Variants in ABCA4 observed in about 807,000 individuals in gnomAD.
ABCA4 encodes the protein ATP binding cassette subfamily A member 4.
Under a neutral mutation model 263.7 loss-of-function variants are expected in ABCA4, and 196 were observed. That is an observed-to-expected ratio of 0.74 (90% CI 0.66 to 0.84). The LOEUF (loss-of-function observed/expected upper bound fraction) is 0.84, where lower values mean the gene tolerates loss of function less well. Among genes scored for constraint, ABCA4 ranks in the 40% least tolerant of loss-of-function variants. The pLI is 0.00. For synonymous variants in ABCA4, 1,133 were observed against 1,094.2 expected (o/e 1.04, Z -0.70); for missense variants, 2,792 against 2,855.1 (o/e 0.98, Z 0.50).
chr1:94,082,356 T>C (rs1230404050), intron 7 of ABCA4, among the ~76,000 whole-genome samples: 1 of 152,232 alleles, frequency 6.6e-6, no homozygotes, highest in East Asian at 1.9e-4. Flanking sequence ...AGAAGCCTTC[T>C]GGAACTTCTA....
At chr1:94,093,311 C>T (rs977683549) in intron 6 of ABCA4, among the ~76,000 whole-genome samples, 1 of 152,202 alleles carries the variant, frequency 6.6e-6, no homozygotes, top group Non-Finnish European at 1.5e-5. Context: ...GAGCCCCATC[C>T]TGTGTGTCCC....
At chr1:94,079,238 G>A in intron 9 of ABCA4, 84 bp downstream of exon 9, 2 of 1,563,964 alleles carry the variant, frequency 1.3e-6, no homozygotes, top group Non-Finnish European at 1.8e-6. Flanking sequence ...TACCAGGAAG[G>A]CACATCTCTC....
intron 1 of ABCA4, among the ~76,000 whole-genome samples, chr1:94,115,892 T>C (rs568015212): frequency 2.6e-5 from 4 of 152,274 alleles, no homozygotes; most frequent in East Asian, 1.9e-4. Flanking sequence ...CTTGGAACCA[T>C]GGTGCTTGCT....
intron 19 of ABCA4, chr1:94,046,008 C>T (rs1383233703): frequency 2.2e-6 from 1 of 452,090 alleles, no homozygotes; most frequent in South Asian, 1.6e-5. Context: ...CCTGCCCTGA[C>T]CTTCTGTTAC....
chr1:94,046,473 A>AAAAAAAAAAAAAAAAAAAG (rs71094277), intron 19 of ABCA4, among the ~76,000 whole-genome samples: 4 of 120,744 alleles, frequency 3.3e-5, no homozygotes, highest in Non-Finnish European at 7.2e-5. Flanking sequence ...AAAAAAAAAA[A>AAAAAAAAAAAAAAAAAAAG]AAAGAAAAGA....
chr1:94,119,866 C>A (rs148267712), intron 1 of ABCA4, among the ~76,000 whole-genome samples: 1 of 152,086 alleles, frequency 6.6e-6, no homozygotes, highest in Non-Finnish European at 1.5e-5. Flanking sequence ...TATTCTGAAC[C>A]GAGATTTGGA....
intron 1 of ABCA4, 93 bp downstream of exon 1, chr1:94,120,887 G>GGCCCCCCCCCCC: frequency 8.8e-6 from 3 of 339,360 alleles, no homozygotes; most frequent in South Asian, 3.0e-5. Context: ...CCCCCACCCT[G>GGCCCCCCCCCCC]CCCCACCACC....
chr1:94,111,779 C>G (rs1178277552), intron 2 of ABCA4, among the ~76,000 whole-genome samples, 200 bp from the exon 3 acceptor site: 2 of 152,154 alleles, frequency 1.3e-5, no homozygotes, highest in African/African-American at 4.8e-5. Context: ...CTCTCAAGCT[C>G]CCGGTGTAGT....
chr1:94,110,003 G>T (rs761224384), intron 3 of ABCA4, among the ~76,000 whole-genome samples: 2 of 152,030 alleles, frequency 1.3e-5, no homozygotes, highest in Admixed American at 6.5e-5. Context: ...TGCCAGGGCC[G>T]TTCCCACCAA....
intron 26 of ABCA4, among the ~76,000 whole-genome samples, chr1:94,034,359 C>T (rs1299560945): frequency 6.6e-6 from 1 of 152,044 alleles, no homozygotes; most frequent in African/African-American, 2.4e-5. Flanking sequence ...AAAACAGTTA[C>T]TTTGGTTTTT....
intron 4 of ABCA4, among the ~76,000 whole-genome samples, chr1:94,107,559 GAC>G (rs1470119976): frequency 1.3e-5 from 2 of 152,182 alleles, no homozygotes; most frequent in African/African-American, 4.8e-5. Context: ...GGGGAGGAGA[GAC>G]ACAGGAGAGG....
intron 6 of ABCA4, among the ~76,000 whole-genome samples, chr1:94,084,850 C>A (rs1389846049): frequency 6.6e-6 from 1 of 152,092 alleles, no homozygotes; most frequent in African/African-American, 2.4e-5. Context: ...TTTTTCCATA[C>A]AAGGGTGGGG....
intron 35 of ABCA4, among the ~76,000 whole-genome samples, chr1:94,020,017 A>G (rs1011197254): frequency 6.6e-6 from 1 of 152,114 alleles, no homozygotes; most frequent in Admixed American, 6.5e-5. Context: ...ATATTCTCTA[A>G]TTATTTTTAT....
chr1:94,008,230 C>T lies in ABCA4; in HGVS notation c.5898+5G>A, dbSNP rs779868828. 1.9e-6 allele frequency: 3 copies of T among 1,613,874 alleles called. No homozygotes were observed. Among genetic ancestry groups the T allele is most frequent in the Non-Finnish European group, 2.5e-6 (3 of 1,179,926 alleles). Reference sequence around the variant, plus strand: ...CCTTTCACACGTGGTCTGCAGAGTACCCACCTCTCCAGGGCGAACTCCGAC... The same window carrying T: ...CCTTTCACACGTGGTCTGCAGAGTATCCACCTCTCCAGGGCGAACTCCGAC... On this transcript the variant is annotated splice_donor_5th_base_variant and intron_variant, in intron 42 of 49. Coordinates refer to ENST00000370225, the MANE Select transcript of ABCA4 (RefSeq NM_000350.3).
chr1:94,114,350 T>C (rs1436316255), intron 1 of ABCA4, among the ~76,000 whole-genome samples: 2 of 152,142 alleles, frequency 1.3e-5, no homozygotes, highest in Admixed American at 6.6e-5. Context: ...AAAAACTATT[T>C]AGGGACAGGT....
chr1:94,087,611 G>A (rs916695480), intron 6 of ABCA4, among the ~76,000 whole-genome samples: 3 of 152,182 alleles, frequency 2.0e-5, no homozygotes, highest in African/African-American at 7.2e-5. Context: ...GGCATATGCT[G>A]GGGATGAAGG....
chr1:94,005,375 G>T, intron 44 of ABCA4, 66 bp downstream of exon 44: 2 of 1,588,266 alleles, frequency 1.3e-6, no homozygotes, highest in Non-Finnish European at 1.7e-6. Flanking sequence ...CCAAGAGAAT[G>T]CACTCTCATG....
At chr1:94,021,743 A>T in intron 33 of ABCA4, 29 bp from the exon 34 acceptor site, 4 of 1,610,604 alleles carry the variant, frequency 2.5e-6, no homozygotes, top group African/African-American at 1.3e-5. Flanking sequence ...AACAAACAAG[A>T]CGGTTTTAAT....
intron 40 of ABCA4, 48 bp downstream of exon 40, chr1:94,010,752 C>A (rs754112817): frequency 1.2e-6 from 2 of 1,613,900 alleles, no homozygotes; most frequent in South Asian, 2.2e-5. Flanking sequence ...AGGTCCAGTT[C>A]TGGATGCCCT....
Sources: allele counts gnomAD v4.1 joint callset (sites outside exome capture counted in the v4.1 genomes callset), GRCh38; gene constraint gnomAD v4.1.1; transcripts MANE v1.5; gene names NCBI Gene and HGNC (gene_info 2026-07-23, HGNC 2026-07-21).